SIGLEC11: variants seen among roughly 807,000 people sequenced by gnomAD.
The protein encoded by SIGLEC11 is sialic acid-binding Ig-like lectin 11.
Under a neutral mutation model 61.2 loss-of-function variants are expected in SIGLEC11, and 47 were observed. The observed-to-expected ratio is 0.77, with a 90% CI of 0.61 to 0.98. The LOEUF (loss-of-function observed/expected upper bound fraction) is 0.98, where lower values mean the gene tolerates loss of function less well. Among genes scored for constraint, SIGLEC11 ranks in the 50% least tolerant of loss-of-function variants. The probability of loss-of-function intolerance (pLI) is 0.00; values close to 1 mark genes in which losing one functional copy is unlikely to be tolerated. For missense variants in SIGLEC11, 610 were observed against 870.3 expected, an observed-to-expected ratio of 0.70 and a Z score of 3.76; for synonymous variants, 278 against 373.1, an observed-to-expected ratio of 0.75 and a Z score of 2.94.
rs1018803475 is a variant in SIGLEC11 at position 49,955,891 on chromosome 19, C to T, written c.1651+2392G>A. Among the ~76,000 whole-genome samples, 2 of 149,776 alleles carry T rather than the reference C, an allele frequency of 1.3e-5. No individual in the cohort carries two copies. Among genetic ancestry groups the T allele is most frequent in the East Asian group, 2.0e-4 (1 of 5,094 alleles). On this transcript the variant is annotated intron_variant, in intron 8 of 10. Transcript: ENST00000447370. The surrounding 1 kb of genome is among the most constrained non-coding windows in gnomAD (Gnocchi z 4.5). ...TGGAGCTTGCAGTGAGCAGAGATGG[C>T]GCCACTGCACTCCAGCCAGGGCAAC...
chr19:49,951,803 G>T lies in SIGLEC11; in HGVS notation c.1830+88C>A. On this transcript the variant is annotated intron_variant, in intron 10 of 10. Coordinates refer to ENST00000447370, the MANE Select transcript of SIGLEC11 (RefSeq NM_052884.3). The surrounding 1 kb of genome is among the most constrained non-coding windows in gnomAD (Gnocchi z 4.6). The stretch of plus-strand genomic sequence containing the variant: ...AGCAAAACCCTATTTGGGGCACAAT[G>T]ATTCTGCAAGTCACCAAGAGGACTA... 2 of 1,168,184 alleles carry T rather than the reference G, an allele frequency of 1.7e-6. No homozygotes were observed. The highest frequency in any genetic ancestry group is 1.6e-5 in the South Asian group (1 of 61,066). The allele number at this position is 1,168,184 out of a possible 1,614,324, so 72.4% of individuals were successfully genotyped here.
chr19:49,953,112 G>A (rs934686881), intron 8 of SIGLEC11, among the ~76,000 whole-genome samples: 1 of 152,176 alleles, frequency 6.6e-6, no homozygotes, highest in South Asian at 2.1e-4. Context: ...CTGGGGGCTG[G>A]AGCCCCGGGC....
At chr19:49,957,951 A>T (rs1382082352) in intron 8 of SIGLEC11, among the ~76,000 whole-genome samples, 1 of 152,168 alleles carries the variant, frequency 6.6e-6, no homozygotes, top group Non-Finnish European at 1.5e-5. Flanking sequence ...AGATCGAGCC[A>T]CTGCACTCCA....
Position 49,958,316 on chromosome 19 carries a change from C to A in SIGLEC11, c.1618G>T (p.Ala540Ser). ...LRCKAWNVHGAQSGSVFQLLP... is the reference protein window; with the variant it reads ...LRCKAWNVHGSQSGSVFQLLP... ...AGCTGGAAGACAGAGCCACTCTGGG[C>A]CCCGTGGACGTTCCAGGCCTTACAG... Residue 540 changes from alanine (A) to serine (S), a missense_variant, in exon 8 of 11, where the codon GCC (alanine) becomes TCC (serine). Transcript: ENST00000447370. 6.2e-7 allele frequency: 1 copy of A among 1,614,206 alleles called. No individual in the cohort carries two copies. Among genetic ancestry groups the A allele is most frequent in the East Asian group, 2.2e-5 (1 of 44,880 alleles).
intron 8 of SIGLEC11, among the ~76,000 whole-genome samples, chr19:49,952,995 A>T (rs996863358): frequency 4.6e-5 from 7 of 152,206 alleles, no homozygotes; most frequent in African/African-American, 1.7e-4. Flanking sequence ...CCTAAAATAA[A>T]CAATCCTCCT....
chr19:49,957,490 G>A (rs1243350617), intron 8 of SIGLEC11, among the ~76,000 whole-genome samples: 1 of 151,338 alleles, frequency 6.6e-6, no homozygotes, highest in East Asian at 1.9e-4. Flanking sequence ...AAAGGAATGG[G>A]CTCCAGACAC....
At chr19:49,952,843 G>A (rs2076167775) in intron 8 of SIGLEC11, among the ~76,000 whole-genome samples, 2 of 152,094 alleles carry the variant, frequency 1.3e-5, no homozygotes, top group Non-Finnish European at 1.5e-5. Context: ...AAGGCCACAA[G>A]TTATGCTATA....
chr19:49,959,037 G>A lies in SIGLEC11; in HGVS notation c.1098C>T (p.Asn366=), dbSNP rs151253178. 42 of 1,613,844 alleles carry A rather than the reference G, an allele frequency of 2.6e-5. No homozygotes were observed. The Admixed American group carries it at 4.2e-4, about 16-fold the overall frequency. ...CTCTGTCTCCTTTCCTACCTGTCCT[G>A]TTTGCTTGGGAAACCATCACTCTCA... ...ENLRVMVSQA[N]RTVLENLGNG... is the part of the protein sequence containing the mutation. The change falls in exon 6 of 11, where the codon AAC becomes AAT. Residue 366 remains asparagine, a synonymous_variant. Transcript: ENST00000447370.
At chr19:49,959,682 G>GCTGGGGGGC in intron 4 of SIGLEC11, 59 bp from the exon 5 acceptor site, 1 of 164,080 alleles carries the variant, frequency 6.1e-6, no homozygotes, top group South Asian at 3.2e-5. Flanking sequence ...GGGAGGGGGG[G>GCTGGGGGGC]CTGCAAAGAG....
rs2076243843 is a variant in SIGLEC11, at chr19:49,961,011, C to T, written c.71G>A (p.Gly24Glu). ...CCAGCCACCGACCCACTCACCCGCC[C>T]CCAGCACGGGCAGCAGCAGGGGCAG... ...LLLPLLLPVL[G>E]AGSLNKDPSY... Residue 24 changes from glycine (G) to glutamate (E), a missense_variant, in exon 1 of 11, where the codon GGG (glycine) becomes GAG (glutamate). Around this residue, in one of 6 missense-constraint regions of SIGLEC11, gnomAD observed 27 missense variants for 96.0 expected, o/e 0.28. Transcript: ENST00000447370. 2.6e-6 allele frequency: 3 copies of T among 1,174,516 alleles called. No homozygotes were observed. Among genetic ancestry groups the T allele is most frequent in the Non-Finnish European group, 3.6e-6 (3 of 834,246 alleles). 72.8% of individuals were successfully genotyped at this position (1,174,516 alleles called of 1,614,324 possible).
chr19:49,950,070 G>C lies in SIGLEC11; in HGVS notation c.1997C>G (p.Thr666Ser). ...GTGGATCTTGATCTCCGAGTACTCG[G>C]TGGTGCTGGGGGCCTCCTGGTCCGC... The part of the protein sequence containing the change: ...EPADQEAPST[T>S]EYSEIKIHTG... The change falls in exon 11 of 11, where the codon ACC becomes AGC. Residue 666 changes from threonine to serine, a missense_variant. Coordinates refer to ENST00000447370, the MANE Select transcript of SIGLEC11 (RefSeq NM_052884.3). The C allele has an allele frequency of 1.2e-6, 2 of 1,600,072 alleles. No individual in the cohort carries two copies. The highest frequency in any genetic ancestry group is 1.7e-6 in the Non-Finnish European group (2 of 1,171,816).
chr19:49,950,138 G>A lies in SIGLEC11; in HGVS notation c.1929C>T (p.His643=). Residue 643 remains histidine (H), a synonymous_variant, in exon 11 of 11, where the codon CAC becomes CAT. Transcript: ENST00000447370. ...TPGKGEEQEL[H]YASLSFQGLR... ...GGCCCTGGAAGCTGAGGGAGGCATA[G>A]TGGAGCTCCTGCTCTTCCCCCTTCC... 1 of 1,612,616 alleles carries A rather than the reference G, an allele frequency of 6.2e-7. No individual in the cohort carries two copies. Among genetic ancestry groups the A allele is most frequent in the South Asian group, 1.1e-5 (1 of 91,012 alleles).
In SIGLEC11 at chr19:49,951,558, C is replaced by G. The variant is rs2076158187; in HGVS notation, c.1830+333G>C. Reference sequence around the variant, plus strand: ...AATAGTCATCTGAGGAAAGGACTCTCTGGCATCCTGTGTTGAGGAGGAGAG... The same window carrying G: ...AATAGTCATCTGAGGAAAGGACTCTGTGGCATCCTGTGTTGAGGAGGAGAG... On this transcript the variant is annotated intron_variant, in intron 10 of 10. Coordinates refer to ENST00000447370, the MANE Select transcript of SIGLEC11 (RefSeq NM_052884.3). The surrounding 1 kb of genome is among the most constrained non-coding windows in gnomAD (Gnocchi z 4.6). Among the ~76,000 whole-genome samples, 1 of 152,054 alleles carries G rather than the reference C, an allele frequency of 6.6e-6. No individual in the cohort carries two copies. Among genetic ancestry groups the G allele is most frequent in the African/African-American group, 2.4e-5 (1 of 41,386 alleles).
chr19:49,949,895 C>G lies in SIGLEC11; in HGVS notation c.*75G>C, dbSNP rs1403204660. The G allele has an allele frequency of 2.3e-6, 3 of 1,312,472 alleles. No individual in the cohort carries two copies. The highest frequency in any genetic ancestry group is 2.0e-6 in the Non-Finnish European group (2 of 1,019,024). 81.3% of individuals were successfully genotyped at this position (1,312,472 alleles called of 1,614,324 possible). On this transcript the variant is annotated 3_prime_UTR_variant, in exon 11 of 11. Coordinates refer to ENST00000447370, the MANE Select transcript of SIGLEC11 (RefSeq NM_052884.3). ...TCTTCATTGGGGATGGGGCTGAAAT[C>G]TGAGTCCAGTTCTGGCCGTCACACC...
At chr19:49,958,192 C>G (rs557039928) in intron 8 of SIGLEC11, 91 bp downstream of exon 8, 31 of 1,568,474 alleles carry the variant, frequency 2.0e-5, no homozygotes, top group African/African-American at 2.8e-5. Context: ...TCCCACCACG[C>G]CCACACCCTC....
chr19:49,958,599 G>A (rs555532137), intron 7 of SIGLEC11, 29 bp from the exon 8 acceptor site: 5 of 1,566,956 alleles, frequency 3.2e-6, no homozygotes, highest in Admixed American at 1.9e-5. Context: ...GGACTCAGCA[G>A]GGGCCCCTTC....
chr19:49,952,239 T>G, intron 9 of SIGLEC11, 59 bp downstream of exon 9: 1 of 1,535,898 alleles, frequency 6.5e-7, no homozygotes, highest in Admixed American at 1.7e-5. Flanking sequence ...TGGGACTGTC[T>G]GGGATTCTAG....
At position 49,954,131 on chromosome 19, in the gene SIGLEC11, C is replaced by G. The variant is rs868216855; in HGVS notation, c.1652-1737G>C. 1.4e-4 allele frequency among the ~76,000 whole-genome samples: 22 copies of G among 152,246 alleles called. 1 individual carries two copies. In the Middle Eastern group the frequency reaches 0.01, roughly 71 times the overall value. On this transcript the variant is annotated intron_variant, in intron 8 of 10. Coordinates refer to ENST00000447370, the MANE Select transcript of SIGLEC11 (RefSeq NM_052884.3). ...ACCTGGATCAAGCCCTGTTTAGCAG[C>G]TTATTGCAAAACACTTGTAGCCCGA...
At chr19:49,957,990 C>CA (rs904802955) in intron 8 of SIGLEC11, among the ~76,000 whole-genome samples, 67 of 145,570 alleles carry the variant, frequency 4.6e-4, no homozygotes, top group Middle Eastern at 3.5e-3. Flanking sequence ...GACTCCATCT[C>CA]AAAAAAAAAA....
Sources: gnomAD v4.1 joint callset for allele counts (sites outside exome capture counted in the v4.1 genomes callset) on GRCh38, gnomAD v4.1.1 for gene constraint, gnomAD v4.1.1 regional missense constraint, Gnocchi (gnomAD v3.1) non-coding constraint, MANE v1.5 for transcripts, NCBI Gene and HGNC (gene_info 2026-07-23, HGNC 2026-07-21) for gene names.